The following KIF5A variants were observed in gnomAD, a reference collection of about 807,000 sequenced individuals.
The protein encoded by KIF5A is kinesin family member 5A.
In KIF5A, 35 loss-of-function variants were observed where a neutral mutation model predicts 141.3. That is an observed-to-expected ratio of 0.25 (90% confidence interval 0.19 to 0.33). The LOEUF (loss-of-function observed/expected upper bound fraction) is 0.33, where lower values mean the gene tolerates loss of function less well. Among genes scored for constraint, KIF5A ranks in the 10% least tolerant of loss-of-function variants. The probability of loss-of-function intolerance (pLI) is 1.00; values close to 1 mark genes in which losing one functional copy is unlikely to be tolerated. For missense variants in KIF5A, 861 were observed against 1,314.3 expected, an observed-to-expected ratio of 0.66 and a Z score of 5.33; for synonymous variants, 448 against 500.2, an observed-to-expected ratio of 0.90 and a Z score of 1.39.
At chr12:57,571,249 C>T in intron 12 of KIF5A, 72 bp from the exon 13 acceptor site, 1 of 916,052 alleles carries the variant, frequency 1.1e-6, no homozygotes, top group Non-Finnish European at 1.8e-6. Context: ...CTGCCTCTAC[C>T]CCCAAACTTC....
Position 57,572,253 on chromosome 12 carries a change from C to T in KIF5A, c.1555C>T (p.Leu519=). ...SQQNQLLVDE[L]SQKVATMLSL... ...GCAGAACCAGCTTCTGGTGGATGAG[C>T]TGTCTCAGAAGGTGGTAAGTGGTGT... is the stretch of plus-strand genomic sequence containing the variant. Residue 519 remains leucine, a synonymous_variant, in exon 14 of 29, where the codon CTG becomes TTG. Transcript: ENST00000455537. This position sits in a 1 kb window ranked among gnomAD's most constrained non-coding sequence, Gnocchi z 4.2. 2 of 1,595,648 alleles carry T rather than the reference C, an allele frequency of 1.3e-6. No individual in the cohort carries two copies. Among genetic ancestry groups the T allele is most frequent in the Non-Finnish European group, 1.7e-6 (2 of 1,170,794 alleles).
intron 28 of KIF5A, 58 bp downstream of exon 28, chr12:57,583,273 C>A (rs1882662662): frequency 2.0e-6 from 2 of 988,686 alleles, no homozygotes; most frequent in Non-Finnish European, 3.1e-6. Context: ...TTGCTGACAG[C>A]CTCTTTGGTT....
chr12:57,583,882 G>A (rs1264783628), intron 28 of KIF5A, among the ~76,000 whole-genome samples: 1 of 152,198 alleles, frequency 6.6e-6, no homozygotes, highest in Non-Finnish European at 1.5e-5. Context: ...CACCAAGGTT[G>A]CTTTAGGGCC....
chr12:57,584,951 C>A lies in KIF5A; in HGVS notation c.*770C>A, dbSNP rs1449292700. 2.6e-5 allele frequency: 4 copies of A among 152,130 alleles called. No individual in the cohort carries two copies. The highest frequency in any genetic ancestry group is 4.4e-5 in the Non-Finnish European group (3 of 68,052). 9.4% of individuals were successfully genotyped at this position (152,130 alleles called of 1,614,324 possible). A position where few individuals can be genotyped will look rare whatever the true frequency, so the allele number is the denominator to read the frequency against. ...CTGCCCCAGAGCTCATGACCAGAAC[C>A]CAGAGCTGATTTAAAATATTTTGAA... On this transcript the variant is annotated 3_prime_UTR_variant, in exon 29 of 29. Coordinates refer to ENST00000455537, the MANE Select transcript of KIF5A (RefSeq NM_004984.4).
At chr12:57,563,366 G>T (rs1001798486) in intron 1 of KIF5A, 73 bp from the exon 2 acceptor site, 5 of 1,100,064 alleles carry the variant, frequency 4.5e-6, no homozygotes, top group Non-Finnish European at 7.0e-6. Context: ...TCAGCTGCTG[G>T]AAGGAGGTTG....
chr12:57,555,649 G>A (rs570675268), intron 1 of KIF5A, among the ~76,000 whole-genome samples: 6 of 151,852 alleles, frequency 4.0e-5, no homozygotes, highest in South Asian at 2.1e-4. Context: ...GGTGGCTCAC[G>A]CCTATAATCT....
chr12:57,550,913 C>T lies in KIF5A; in HGVS notation c.129+513C>T, dbSNP rs550573576. ...CATCATTCCCTAAAGTAGTTATAGC[C>T]TGGATTTTTGTGTGTGTGTTGTGGG... On this transcript the variant is annotated intron_variant, in intron 1 of 28. Transcript: ENST00000455537. This position sits in a 1 kb window ranked among gnomAD's most constrained non-coding sequence, Gnocchi z 4.6. Among the ~76,000 whole-genome samples, 1 of 152,188 alleles carries T rather than the reference C, an allele frequency of 6.6e-6. No individual in the cohort carries two copies. The highest frequency in any genetic ancestry group is 2.4e-5 in the African/African-American group (1 of 41,506).
intron 1 of KIF5A, among the ~76,000 whole-genome samples, chr12:57,555,908 C>CAAAAAAAA (rs763843453): frequency 1.1e-5 from 1 of 92,288 alleles, no homozygotes; most frequent in Non-Finnish European, 2.2e-5. Context: ...AACTCTATCT[C>CAAAAAAAA]AAAAAAAAAA....
intron 1 of KIF5A, among the ~76,000 whole-genome samples, chr12:57,556,132 G>T (rs892039153): frequency 1.4e-4 from 20 of 139,252 alleles, no homozygotes; most frequent in Non-Finnish European, 2.4e-4. Context: ...CCAATTTTTA[G>T]CTCTTGGGTA....
intron 1 of KIF5A, among the ~76,000 whole-genome samples, chr12:57,559,414 G>C (rs940228745): frequency 1.3e-5 from 2 of 152,114 alleles, no homozygotes; most frequent in Non-Finnish European, 2.9e-5. Flanking sequence ...GGTAAAAATG[G>C]TGTTTCATAG....
chr12:57,570,461 C>G (rs1360484780), intron 12 of KIF5A, among the ~76,000 whole-genome samples: 1 of 151,988 alleles, frequency 6.6e-6, no homozygotes, highest in Non-Finnish European at 1.5e-5. Flanking sequence ...TGCAGAGGCA[C>G]GATTGTGGTT....
At position 57,572,212 on chromosome 12, in the gene KIF5A, TGGA is replaced by T. The variant is rs1224887715; in HGVS notation, c.1519_1521del (p.Glu507del). Reference sequence around the variant, plus strand: ...AACTATGACCAGAAGTCCCAGGAGGTGGAGGAGAAGAGCCAGCAGAACCAGCTT... The same window carrying T: ...AACTATGACCAGAAGTCCCAGGAGGTGGAGAAGAGCCAGCAGAACCAGCTT... On this transcript the variant is annotated inframe_deletion, in exon 14 of 29. Transcript: ENST00000455537. The surrounding 1 kb of genome is among the most constrained non-coding windows in gnomAD (Gnocchi z 4.2). The T allele has an allele frequency of 1.9e-6, 3 of 1,611,750 alleles. No homozygotes were observed. The highest frequency in any genetic ancestry group is 1.3e-5 in the African/African-American group (1 of 74,808).
Position 57,571,985 on chromosome 12 carries a change from C to T in KIF5A, c.1363-76C>T, listed in dbSNP as rs1348853120. On this transcript the variant is annotated intron_variant, in intron 13 of 28. Transcript: ENST00000455537. ...CTTTATTTTGGGTAGGGTGGGGGCT[C>T]AGCTTCCCAGACCCAAGGCCATAGA... 3.1e-6 allele frequency: 4 copies of T among 1,293,682 alleles called. No homozygotes were observed. In the Admixed American group the frequency reaches 7.6e-5, roughly 25 times the overall value. The allele number at this position is 1,293,682 out of a possible 1,614,324, so 80.1% of individuals were successfully genotyped here. A position where few individuals can be genotyped will look rare whatever the true frequency, so the allele number is the denominator to read the frequency against.
chr12:57,561,889 T>A (rs895532748), intron 1 of KIF5A, among the ~76,000 whole-genome samples: 1 of 152,194 alleles, frequency 6.6e-6, no homozygotes, highest in Non-Finnish European at 1.5e-5. Flanking sequence ...TAGCCAAGGT[T>A]TACAACTTTC....
intron 17 of KIF5A, 125 bp from the exon 18 acceptor site, chr12:57,575,962 G>T: frequency 1.0e-6 from 1 of 999,716 alleles, no homozygotes. Context: ...AAATTGGACA[G>T]TCCTAACACA....
rs1274618419 is a variant in KIF5A, at chr12:57,586,098, A to C, written c.*1917A>C. ...TCTGGCTCCTCTGCACTAAAGCTGC[A>C]ACTCATGGAAAAGAGGGCAACGGTG... On this transcript the variant is annotated 3_prime_UTR_variant, in exon 29 of 29. Coordinates refer to ENST00000455537, the MANE Select transcript of KIF5A (RefSeq NM_004984.4). 3 of 152,106 alleles carry C rather than the reference A, an allele frequency of 2.0e-5. No homozygotes were observed. The highest frequency in any genetic ancestry group is 4.4e-5 in the Non-Finnish European group (3 of 68,032). The allele number at this position is 152,106 out of a possible 1,614,324, so 9.4% of individuals were successfully genotyped here. A position where few individuals can be genotyped will look rare whatever the true frequency, so the allele number is the denominator to read the frequency against.
rs192466841 is a variant in KIF5A at position 57,581,789 on chromosome 12, T to C, written c.2910-81T>C. On this transcript the variant is annotated intron_variant, in intron 25 of 28. Coordinates refer to ENST00000455537, the MANE Select transcript of KIF5A (RefSeq NM_004984.4). ...GGGGAGGGCTGAGCAGCTCTATCAC[T>C]GAGGATGAGTGTGGATTAGTGGTCC... The C allele has an allele frequency of 2.1e-3, 2,934 of 1,372,038 alleles. 8 individuals are homozygous for C. Among genetic ancestry groups the C allele is most frequent in the Middle Eastern group, 3.8e-3 (16 of 4,236 alleles). The allele number at this position is 1,372,038 out of a possible 1,614,324, so 85.0% of individuals were successfully genotyped here. A position where few individuals can be genotyped will look rare whatever the true frequency, so the allele number is the denominator to read the frequency against.
At chr12:57,554,275 C>T (rs1427176070) in intron 1 of KIF5A, among the ~76,000 whole-genome samples, 3 of 152,132 alleles carry the variant, frequency 2.0e-5, no homozygotes, top group East Asian at 1.9e-4. Context: ...GAGCCTGTTT[C>T]GTCATCTATA....
In KIF5A at chr12:57,550,445, G is replaced by C; in HGVS notation, c.129+45G>C. On this transcript the variant is annotated intron_variant, in intron 1 of 28. Coordinates refer to ENST00000455537, the MANE Select transcript of KIF5A (RefSeq NM_004984.4). This position sits in a 1 kb window ranked among gnomAD's most constrained non-coding sequence, Gnocchi z 4.6. ...GAATTCGGGGAGGGGGCAGGTGGCT[G>C]AATCTCCCCGCCCCCCGCAGAGCCT... 6.2e-7 allele frequency: 1 copy of C among 1,603,286 alleles called. No individual in the cohort carries two copies. The highest frequency in any genetic ancestry group is 8.5e-7 in the Non-Finnish European group (1 of 1,171,414).
Sources: gnomAD v4.1 joint callset for allele counts (sites outside exome capture counted in the v4.1 genomes callset) on GRCh38, gnomAD v4.1.1 for gene constraint, Gnocchi (gnomAD v3.1) non-coding constraint, MANE v1.5 for transcripts, NCBI Gene and HGNC (gene_info 2026-07-23, HGNC 2026-07-21) for gene names.